Variants in NBEA observed in about 807,000 individuals in gnomAD.
NBEA encodes neurobeachin.
Under a neutral mutation model 343.4 loss-of-function variants are expected in NBEA, and 44 were observed. The observed-to-expected ratio is 0.13, with a 90% CI of 0.10 to 0.16. NBEA has a LOEUF of 0.16. Among genes scored for constraint, NBEA ranks in the 10% least tolerant of loss-of-function variants. NBEA has a pLI of 1.00. For synonymous variants in NBEA, 1,175 were observed against 1,238.7 expected, an observed-to-expected ratio of 0.95 and a Z score of 1.08; for missense variants, 2,555 against 3,631.3, an observed-to-expected ratio of 0.70 and a Z score of 7.62.
rs192142542 is a variant in NBEA at position 35,399,916 on chromosome 13, A to C, written c.6180-32353A>C. On this transcript the variant is annotated intron_variant, in intron 38 of 58. Transcript: ENST00000379939. ...AATAGGGAAGCCCAAAGGGAGGGAG[A>C]GGGACAGGGGAACAACCAGTTGGTG... 2.8e-3 allele frequency among the ~76,000 whole-genome samples: 426 copies of C among 152,144 alleles called. 4 individuals are homozygous for C. Among genetic ancestry groups the C allele is most frequent in the Non-Finnish European group, 1.9e-3 (130 of 67,984 alleles).
At chr13:35,113,559 A>G (rs556842207) in intron 13 of NBEA, among the ~76,000 whole-genome samples, 1 of 151,894 alleles carries the variant, frequency 6.6e-6, no homozygotes, top group Non-Finnish European at 1.5e-5. Flanking sequence ...ATCTACTGTA[A>G]GGAAGAACTT....
chr13:35,006,559 C>T (rs1277173413), intron 1 of NBEA, among the ~76,000 whole-genome samples: 2 of 151,892 alleles, frequency 1.3e-5, no homozygotes, highest in African/African-American at 2.4e-5. Flanking sequence ...GCCTTTATTT[C>T]TTCCTGCATG....
chr13:35,374,201 G>A (rs2041611962), intron 38 of NBEA, among the ~76,000 whole-genome samples: 1 of 133,746 alleles, frequency 7.5e-6, no homozygotes, highest in African/African-American at 3.5e-5. Context: ...CCTGATTTCA[G>A]TATTTTTTGC....
Position 35,438,740 on chromosome 13 carries a change from TTGGTGTCAG to T in NBEA, c.6304+6350_6304+6358del, listed in dbSNP as rs1180972829. ...TGCAGGAAGTGTCTGTCAGCTCTTT[TTGGTGTCAG>T]TGTCATATTTTAGTATCATAGCCTT... On this transcript the variant is annotated intron_variant, in intron 39 of 58. Transcript: ENST00000379939. Among the ~76,000 whole-genome samples the T allele has an allele frequency of 5.3e-5, 8 of 152,322 alleles. No individual in the cohort carries two copies. In the South Asian group the frequency reaches 1.2e-3, roughly 24 times the overall value.
At chr13:35,257,405 G>A (rs966181685) in intron 34 of NBEA, among the ~76,000 whole-genome samples, 2 of 152,036 alleles carry the variant, frequency 1.3e-5, no homozygotes, top group South Asian at 4.1e-4. Flanking sequence ...CTACTCCTGG[G>A]AGGTAACATA....
chr13:35,258,521 G>T (rs1593970535), intron 34 of NBEA, among the ~76,000 whole-genome samples: 1 of 137,094 alleles, frequency 7.3e-6, no homozygotes. Context: ...CATAAAATCT[G>T]TTCTTAATTT....
intron 45 of NBEA, among the ~76,000 whole-genome samples, chr13:35,575,808 G>A (rs1031428313): frequency 1.3e-5 from 2 of 152,038 alleles, no homozygotes; most frequent in African/African-American, 2.4e-5. Flanking sequence ...TTCAGTCAGC[G>A]ACCACACAGT....
chr13:35,190,659 G>A (rs976233113), intron 30 of NBEA, among the ~76,000 whole-genome samples: 12 of 152,072 alleles, frequency 7.9e-5, no homozygotes, highest in Non-Finnish European at 1.6e-4. Flanking sequence ...AACTGTAGGT[G>A]GGGTCAGATT....
intron 38 of NBEA, among the ~76,000 whole-genome samples, chr13:35,417,748 G>A (rs1238189220): frequency 6.6e-6 from 1 of 152,092 alleles, no homozygotes; most frequent in East Asian, 1.9e-4. Flanking sequence ...ATGTCTATTA[G>A]GTCCTCTTGG....
At chr13:35,099,402 A>G (rs946859046) in intron 11 of NBEA, among the ~76,000 whole-genome samples, 6 of 151,744 alleles carry the variant, frequency 4.0e-5, no homozygotes, top group Non-Finnish European at 7.4e-5. Context: ...GTTTCACCGT[A>G]TTAGCCAGGA....
At chr13:35,046,578 G>T (rs537441706) in intron 4 of NBEA, among the ~76,000 whole-genome samples, 1 of 152,104 alleles carries the variant, frequency 6.6e-6, no homozygotes, top group South Asian at 2.1e-4. Flanking sequence ...ACATACTATG[G>T]TTTTTTCCTC....
chr13:35,648,847 C>A (rs2084370966), intron 51 of NBEA, among the ~76,000 whole-genome samples: 1 of 105,708 alleles, frequency 9.5e-6, no homozygotes, highest in African/African-American at 3.7e-5. Flanking sequence ...ACAACACGCA[C>A]TGGGGCCTGT....
At chr13:35,381,871 G>A (rs2042028777) in intron 38 of NBEA, among the ~76,000 whole-genome samples, 2 of 151,962 alleles carry the variant, frequency 1.3e-5, no homozygotes, top group South Asian at 4.2e-4. Flanking sequence ...TATTATACCG[G>A]TGTTGCTTTA....
At chr13:35,204,753 T>A (rs2073269011) in intron 31 of NBEA, among the ~76,000 whole-genome samples, 1 of 152,144 alleles carries the variant, frequency 6.6e-6, no homozygotes, top group Non-Finnish European at 1.5e-5. Context: ...TTTTTGTGGC[T>A]ATGTATGTTT....
At chr13:35,081,636 T>A (rs1046123496) in intron 10 of NBEA, among the ~76,000 whole-genome samples, 1 of 152,142 alleles carries the variant, frequency 6.6e-6, no homozygotes, top group Non-Finnish European at 1.5e-5. Context: ...TAACAATGTT[T>A]GTTTGCATAA....
chr13:35,581,465 T>G (rs1258892312), intron 45 of NBEA, among the ~76,000 whole-genome samples: 3 of 151,804 alleles, frequency 2.0e-5, no homozygotes, highest in Admixed American at 6.6e-5. Context: ...TTTTTGATGG[T>G]GTTGTTTGTT....
At chr13:35,536,732 G>A (rs990764913) in intron 41 of NBEA, among the ~76,000 whole-genome samples, 3 of 152,190 alleles carry the variant, frequency 2.0e-5, no homozygotes, top group African/African-American at 4.8e-5. Flanking sequence ...TCAGCTAGTC[G>A]TGGATGCTGT....
At chr13:35,292,192 A>G (rs934551643) in intron 35 of NBEA, among the ~76,000 whole-genome samples, 2 of 151,976 alleles carry the variant, frequency 1.3e-5, no homozygotes, top group Non-Finnish European at 2.9e-5. Context: ...TTCTAGAACT[A>G]TCTTTGTAGA....
rs2066558692 is a variant in NBEA, at chr13:35,117,513, T to C, written c.2082+20T>C. The C allele has an allele frequency of 8.7e-7, 1 of 1,149,626 alleles. No homozygotes were observed. Among genetic ancestry groups the C allele is most frequent in the East Asian group, 3.1e-5 (1 of 32,154 alleles). The allele number at this position is 1,149,626 out of a possible 1,614,324, so 71.2% of individuals were successfully genotyped here. On this transcript the variant is annotated intron_variant, in intron 14 of 58. Transcript: ENST00000379939. The stretch of plus-strand genomic sequence containing the variant: ...CTAAAGGTAAAATAATTTTATATAA[T>C]TTAAAATAATAGTATATTAGGTAGA...
Sources: gnomAD v4.1 joint callset for allele counts (sites outside exome capture counted in the v4.1 genomes callset) on GRCh38, gnomAD v4.1.1 for gene constraint, MANE v1.5 for transcripts, NCBI Gene and HGNC (gene_info 2026-07-23, HGNC 2026-07-21) for gene names.